Variants in RBFOX1 observed in about 807,000 individuals in gnomAD.
The protein encoded by RBFOX1 is RNA binding fox-1 homolog 1, also known as RNA binding protein fox-1 homolog 1.
In RBFOX1, 8 loss-of-function variants were observed where a neutral mutation model predicts 57.7. That is an observed-to-expected ratio of 0.14 (90% CI 0.08 to 0.25). The LOEUF (loss-of-function observed/expected upper bound fraction) is 0.25, where lower values mean the gene tolerates loss of function less well. Among genes scored for constraint, RBFOX1 ranks in the 10% least tolerant of loss-of-function variants. The pLI, the probability that RBFOX1 is intolerant of heterozygous loss-of-function variation, is 1.00. For synonymous variants in RBFOX1, 326 were observed against 222.4 expected (o/e 1.47, Z -4.15); for missense variants, 611 against 548.5 (o/e 1.11, Z -1.14).
chr16:7,709,366 G>A, intron 15 of RBFOX1: 1 of 1,111,764 alleles, frequency 9.0e-7, no homozygotes, highest in Non-Finnish European at 1.2e-6. Flanking sequence ...GTCTCACCTA[G>A]CAGAGCACTT....
At chr16:7,454,846 C>T (rs748065580) in intron 4 of RBFOX1, among the ~76,000 whole-genome samples, 2 of 152,168 alleles carry the variant, frequency 1.3e-5, no homozygotes, top group Non-Finnish European at 2.9e-5. Context: ...AAGGATGGAC[C>T]TAGGCGAGTT....
chr16:6,900,617 G>T (rs7199488), intron 3 of RBFOX1, among the ~76,000 whole-genome samples: 1 of 152,044 alleles, frequency 6.6e-6, no homozygotes, highest in African/African-American at 2.4e-5. Context: ...TGTCACAGCA[G>T]ATGCTATTCC....
At chr16:6,436,422 A>G (rs1013459170) in intron 2 of RBFOX1, among the ~76,000 whole-genome samples, 1 of 151,752 alleles carries the variant, frequency 6.6e-6, no homozygotes, top group African/African-American at 2.4e-5. Flanking sequence ...CAGGTATTTA[A>G]TTCCCTTATA....
chr16:7,420,824 A>G (rs987582613), intron 4 of RBFOX1, among the ~76,000 whole-genome samples: 14 of 150,100 alleles, frequency 9.3e-5, no homozygotes, highest in African/African-American at 2.9e-4. Flanking sequence ...AGTACTTTAA[A>G]GAATTATTCT....
intron 3 of RBFOX1, among the ~76,000 whole-genome samples, chr16:6,660,097 C>T (rs912779676): frequency 5.3e-5 from 8 of 151,770 alleles, no homozygotes; most frequent in African/African-American, 9.7e-5. Flanking sequence ...TGGTGGCACA[C>T]GCCTGTAGTC....
At chr16:7,557,125 G>C (rs187459250) in intron 5 of RBFOX1, among the ~76,000 whole-genome samples, 2 of 152,218 alleles carry the variant, frequency 1.3e-5, no homozygotes, top group African/African-American at 2.4e-5. Flanking sequence ...CCATTTTACA[G>C]ATGAGGGAAC....
intron 4 of RBFOX1, among the ~76,000 whole-genome samples, chr16:7,117,327 T>A (rs1036302926): frequency 6.6e-6 from 1 of 152,132 alleles, no homozygotes; most frequent in African/African-American, 2.4e-5. Flanking sequence ...TTTGATTCGG[T>A]GGTAATGTGT....
intron 1 of RBFOX1, among the ~76,000 whole-genome samples, chr16:5,240,965 G>A (rs1162077099): frequency 6.6e-6 from 1 of 152,224 alleles, no homozygotes; most frequent in African/African-American, 2.4e-5. Context: ...CCACCTTGAT[G>A]GTTTTTGATG....
chr16:5,617,113 C>G (rs1169323826), intron 3 of RBFOX1, among the ~76,000 whole-genome samples: 2 of 151,938 alleles, frequency 1.3e-5, no homozygotes, highest in Non-Finnish European at 2.9e-5. Flanking sequence ...TTCCCTCCCT[C>G]CGTCCGTCCC....
At chr16:6,835,790 C>G (rs2093052463) in intron 3 of RBFOX1, among the ~76,000 whole-genome samples, 1 of 135,724 alleles carries the variant, frequency 7.4e-6, no homozygotes, top group Admixed American at 7.5e-5. Context: ...AAGTTTGTAT[C>G]ATGTGTAGCT....
chr16:6,857,395 G>C (rs920699803), intron 3 of RBFOX1, among the ~76,000 whole-genome samples: 3 of 151,744 alleles, frequency 2.0e-5, no homozygotes, highest in Admixed American at 1.3e-4. Flanking sequence ...TCCATCCTAC[G>C]AAGCATGGGA....
intron 4 of RBFOX1, among the ~76,000 whole-genome samples, chr16:6,002,189 C>G (rs2060613775): frequency 6.6e-6 from 1 of 152,114 alleles, no homozygotes; most frequent in Non-Finnish European, 1.5e-5. Flanking sequence ...GTTGCCCAGG[C>G]TGGTCTCAAA....
At chr16:6,067,221 G>T (rs1296402814) in intron 1 of RBFOX1, among the ~76,000 whole-genome samples, 1 of 152,162 alleles carries the variant, frequency 6.6e-6, no homozygotes, top group East Asian at 1.9e-4. Context: ...TACAGGGCAT[G>T]CAGGCCAAAA....
intron 3 of RBFOX1, among the ~76,000 whole-genome samples, chr16:7,013,625 C>CAGGGAGG (rs1398750030): frequency 1.3e-5 from 2 of 152,192 alleles, no homozygotes; most frequent in African/African-American, 4.8e-5. Context: ...TACCTGGAAT[C>CAGGGAGG]AGGGAGGAGG....
At chr16:5,952,189 T>C (rs1298888719) in intron 4 of RBFOX1, among the ~76,000 whole-genome samples, 1 of 151,696 alleles carries the variant, frequency 6.6e-6, no homozygotes, top group African/African-American at 2.4e-5. Flanking sequence ...CTCACTCTGT[T>C]TCCCTGGCTG....
chr16:6,858,175 C>G (rs1018459995), intron 3 of RBFOX1, among the ~76,000 whole-genome samples: 2 of 152,182 alleles, frequency 1.3e-5, no homozygotes, highest in African/African-American at 2.4e-5. Flanking sequence ...GAAGAAATAG[C>G]TCACTCATAA....
Position 6,611,844 on chromosome 16 carries a change from G to A in RBFOX1, c.-63-42759G>A, listed in dbSNP as rs561403276. On this transcript the variant is annotated intron_variant, in intron 2 of 15. Coordinates refer to ENST00000550418, the MANE Select transcript of RBFOX1 (RefSeq NM_018723.4). ...GCCCTCCTCCAAGGCCCTGTCTCCC[G>A]CTGGGCAGTGTCCACCATGGCACGT... Among the ~76,000 whole-genome samples, 76 of 152,078 alleles carry A rather than the reference G, an allele frequency of 5.0e-4. 2 individuals carry two copies. The South Asian group carries it at 0.013, about 26-fold the overall frequency.
chr16:6,912,824 T>G (rs555966851), intron 3 of RBFOX1, among the ~76,000 whole-genome samples: 34 of 152,134 alleles, frequency 2.2e-4, no homozygotes, highest in African/African-American at 7.7e-4. Flanking sequence ...CCCACTGTGT[T>G]GCCCAGGCTA....
At chr16:5,704,343 C>T (rs979750657) in intron 3 of RBFOX1, among the ~76,000 whole-genome samples, 1 of 151,992 alleles carries the variant, frequency 6.6e-6, no homozygotes, top group African/African-American at 2.4e-5. Context: ...GTACTCTCTG[C>T]TTATCTCTCA....
Sources: allele counts gnomAD v4.1 joint callset (sites outside exome capture counted in the v4.1 genomes callset), GRCh38; gene constraint gnomAD v4.1.1; transcripts MANE v1.5; gene names NCBI Gene and HGNC (gene_info 2026-07-23, HGNC 2026-07-21).